The following ENPEP variants were observed in gnomAD, a reference collection of about 807,000 sequenced individuals.
The protein encoded by ENPEP is glutamyl aminopeptidase, also known as AP-A.
A neutral mutation model predicts 114.5 loss-of-function variants in ENPEP; 103 were observed. That is an observed-to-expected ratio of 0.90 (90% CI 0.77 to 1.06). The LOEUF is 1.06. ENPEP is among the 50% of genes least tolerant of loss of function. ENPEP has a pLI of 0.00. For missense variants in ENPEP, 1,196 were observed against 1,161.3 expected (o/e 1.03, Z -0.43); for synonymous variants, 420 against 422.0 (o/e 1.00, Z 0.06).
intron 13 of ENPEP, among the ~76,000 whole-genome samples, chr4:110,544,986 G>A (rs1336467642): frequency 2.0e-5 from 3 of 152,076 alleles, no homozygotes. Context: ...GGCTCAATGA[G>A]GTTCTGCAGC....
chr4:110,539,261 C>T (rs2110383329), intron 11 of ENPEP, among the ~76,000 whole-genome samples: 1 of 152,236 alleles, frequency 6.6e-6, no homozygotes, highest in Non-Finnish European at 1.5e-5. Context: ...GCTTGTACAC[C>T]TTTCTTTACA....
rs1395634305 is a variant in ENPEP at position 110,548,320 on chromosome 4, GA to G, written c.2146del (p.Ile716LeufsTer9). The G allele has an allele frequency of 6.3e-7, 1 of 1,577,562 alleles. No homozygotes were observed. The highest frequency in any genetic ancestry group is 1.8e-5 in the Admixed American group (1 of 54,334). Reference protein sequence around the residue: ...FEDDKELYPMIEEYFQGQVKP... With the variant: ...FEDDKELYPMXEEYFQGQVKP... Reference sequence around the variant, plus strand: ...AAGATGATAAAGAGCTATATCCTATGATTGAGGTGACGTTAATGCTATGGTA... The same window carrying G: ...AAGATGATAAAGAGCTATATCCTATGTTGAGGTGACGTTAATGCTATGGTA... On this transcript the variant is annotated frameshift_variant, in exon 14 of 20. Coordinates refer to ENST00000265162, the MANE Select transcript of ENPEP (RefSeq NM_001977.4). LOFTEE classifies it high-confidence loss of function.
chr4:110,497,132 C>T (rs997186606), intron 3 of ENPEP, among the ~76,000 whole-genome samples: 14 of 152,098 alleles, frequency 9.2e-5, no homozygotes, highest in Non-Finnish European at 1.5e-4. Context: ...TGTAGCATTC[C>T]CCAGTGGATG....
rs1578399576 is a variant in ENPEP, at chr4:110,506,733, A to C, written c.1015A>C (p.Met339Leu). 6.3e-7 allele frequency: 1 copy of C among 1,595,100 alleles called. No individual in the cohort carries two copies. Among genetic ancestry groups the C allele is most frequent in the East Asian group, 2.2e-5 (1 of 44,622 alleles). Reference sequence around the variant, plus strand: ...TGATTATTTTGAAGAATACTTTGCTATGAATTATTCTCTTCCTAAATTAGG... The same window carrying C: ...TGATTATTTTGAAGAATACTTTGCTCTGAATTATTCTCTTCCTAAATTAGG... ...VFDYFEEYFA[M>L]NYSLPKLDKI... Residue 339 changes from methionine to leucine, a missense_variant, in exon 4 of 20, where the codon ATG becomes CTG. Met to Leu is a conservative substitution (Grantham distance 15, BLOSUM62 2). Transcript: ENST00000265162.
At chr4:110,533,182 C>A in intron 11 of ENPEP, 1 of 359,434 alleles carries the variant, frequency 2.8e-6, no homozygotes, top group Non-Finnish European at 5.7e-6. Context: ...ACAATTCACC[C>A]AGCACTTTCA....
chr4:110,484,349 T>C (rs1417912132), intron 1 of ENPEP, among the ~76,000 whole-genome samples: 1 of 152,170 alleles, frequency 6.6e-6, no homozygotes, highest in African/African-American at 2.4e-5. Context: ...GTAGCTGAAG[T>C]GGATTAGAAT....
intron 13 of ENPEP, among the ~76,000 whole-genome samples, chr4:110,546,314 C>T (rs1254132266): frequency 2.0e-5 from 3 of 151,718 alleles, no homozygotes; most frequent in Non-Finnish European, 4.4e-5. Context: ...AATTCTTCCC[C>T]CCACCCCGCC....
At chr4:110,543,140 T>C in intron 13 of ENPEP, 70 bp downstream of exon 13, 2 of 1,374,908 alleles carry the variant, frequency 1.5e-6, no homozygotes, top group Middle Eastern at 3.6e-4. Context: ...TAAAAATGAA[T>C]TAAACATTGC....
intron 4 of ENPEP, among the ~76,000 whole-genome samples, 197 bp downstream of exon 4, chr4:110,506,954 C>G (rs1052503425): frequency 6.6e-6 from 1 of 152,150 alleles, no homozygotes; most frequent in African/African-American, 2.4e-5. Context: ...CCTAATCAAC[C>G]ATGCCCAGCC....
At chr4:110,539,823 T>G (rs2080830860) in intron 11 of ENPEP, among the ~76,000 whole-genome samples, 1 of 152,150 alleles carries the variant, frequency 6.6e-6, no homozygotes, top group Non-Finnish European at 1.5e-5. Flanking sequence ...AAATGTTTTT[T>G]TCTCTAGGAA....
intron 11 of ENPEP, 73 bp from the exon 12 acceptor site, chr4:110,542,678 C>A: frequency 1.4e-6 from 2 of 1,387,930 alleles, no homozygotes; most frequent in Non-Finnish European, 1.9e-6. Context: ...TCTTTTTGCC[C>A]TCTGGGTCTA....
intron 11 of ENPEP, among the ~76,000 whole-genome samples, chr4:110,538,050 A>G (rs755579779): frequency 1.1e-4 from 17 of 152,336 alleles, no homozygotes; most frequent in Non-Finnish European, 1.2e-4. Flanking sequence ...TAGATTTAGC[A>G]TAATTCTTAA....
intron 16 of ENPEP, 25 bp downstream of exon 16, chr4:110,549,657 A>G (rs1480425462): frequency 6.2e-7 from 1 of 1,613,186 alleles, no homozygotes; most frequent in South Asian, 1.1e-5. Context: ...TGTTATGCTT[A>G]GAAGACACAT....
chr4:110,515,602 T>C, intron 8 of ENPEP, 160 bp downstream of exon 8: 1 of 638,304 alleles, frequency 1.6e-6, no homozygotes, highest in Non-Finnish European at 2.8e-6. Context: ...TTACATCCAA[T>C]TGAGTACCTA....
At chr4:110,537,987 C>T (rs1333651115) in intron 11 of ENPEP, among the ~76,000 whole-genome samples, 1 of 152,232 alleles carries the variant, frequency 6.6e-6, no homozygotes, top group Non-Finnish European at 1.5e-5. Context: ...ATTCTATTAA[C>T]AGACGTGCCG....
intron 11 of ENPEP, chr4:110,533,296 T>C: frequency 4.3e-6 from 1 of 230,330 alleles, no homozygotes. Context: ...TGTTCTAATA[T>C]GTGTTATGTA....
chr4:110,556,780 T>C (rs957296521), intron 18 of ENPEP, among the ~76,000 whole-genome samples: 1 of 152,210 alleles, frequency 6.6e-6, no homozygotes, highest in African/African-American at 2.4e-5. Context: ...GTTATTTTTA[T>C]GTATCTTTGT....
At chr4:110,480,420 G>A (rs571700519) in intron 1 of ENPEP, among the ~76,000 whole-genome samples, 1 of 152,196 alleles carries the variant, frequency 6.6e-6, no homozygotes, top group East Asian at 1.9e-4. Flanking sequence ...AGTTCACTGG[G>A]GGCAGTGCCT....
chr4:110,549,610 C>G lies in ENPEP; in HGVS notation c.2308C>G (p.Gln770Glu). The change falls in exon 16 of 20, where the codon CAG becomes GAG. Residue 770 changes from glutamine (Q) to glutamate (E), a missense_variant. Coordinates refer to ENST00000265162, the MANE Select transcript of ENPEP (RefSeq NM_001977.4). ...ALNNASSLFE[Q>E]WLNGTVSLPV... ...GAACAATGCTTCCTCGTTATTTGAG[C>G]AGTGGCTAAATGGGACTGTAAGGTG... 1 of 1,613,580 alleles carries G rather than the reference C, an allele frequency of 6.2e-7. No homozygotes were observed. The highest frequency in any genetic ancestry group is 1.1e-5 in the South Asian group (1 of 91,074).
Sources: gnomAD v4.1 joint callset for allele counts (sites outside exome capture counted in the v4.1 genomes callset) on GRCh38, gnomAD v4.1.1 for gene constraint, MANE v1.5 for transcripts, NCBI Gene and HGNC (gene_info 2026-07-23, HGNC 2026-07-21) for gene names.